The following CHUK variants were observed in gnomAD, a reference collection of about 807,000 sequenced individuals.
CHUK encodes component of inhibitor of nuclear factor kappa B kinase complex.
CHUK carries 35 observed loss-of-function variants against 104.8 expected under a neutral mutation model. The observed-to-expected ratio is 0.33, with a 90% CI of 0.26 to 0.44. The LOEUF is 0.44. Ranked by LOEUF, CHUK falls within the 20% of genes least tolerant of loss-of-function variation. The pLI is 1.00. For missense variants in CHUK, 663 were observed against 902.7 expected, an observed-to-expected ratio of 0.73 and a Z score of 3.40; for synonymous variants, 276 against 291.9, an observed-to-expected ratio of 0.95 and a Z score of 0.56.
In CHUK at chr10:100,188,348, T is replaced by A. The variant is rs535305713; in HGVS notation, c.*1250A>T. ...TTTTATTATAATCTGATTTTTATAA[T>A]GAATAGAGATCAAGAAAGTAATTTA... is the stretch of plus-strand genomic sequence containing the variant. On this transcript the variant is annotated 3_prime_UTR_variant, in exon 21 of 21. Transcript: ENST00000370397. 5.9e-5 allele frequency: 9 copies of A among 152,638 alleles called. No homozygotes were observed. The highest frequency in any genetic ancestry group is 1.3e-4 in the Non-Finnish European group (9 of 68,038). The allele number at this position is 152,638 out of a possible 1,614,324, so 9.5% of individuals were successfully genotyped here. A position where few individuals can be genotyped will look rare whatever the true frequency, so the allele number is the denominator to read the frequency against.
rs1279746466 is a variant in CHUK, at chr10:100,188,968, AAT to A, written c.*628_*629del. 3 of 152,262 alleles carry A rather than the reference AAT, an allele frequency of 2.0e-5. No individual in the cohort carries two copies. Among genetic ancestry groups the A allele is most frequent in the African/African-American group, 7.2e-5 (3 of 41,456 alleles). 9.4% of individuals were successfully genotyped at this position (152,262 alleles called of 1,614,324 possible). A position where few individuals can be genotyped will look rare whatever the true frequency, so the allele number is the denominator to read the frequency against. On this transcript the variant is annotated 3_prime_UTR_variant, in exon 21 of 21. Transcript: ENST00000370397. ...ACAACATGATTTATGAAAGCCAACT[AAT>A]ATTAGAAGCACAGATACACAATCCC...
At chr10:100,213,000 C>CAAA (rs11349438) in intron 9 of CHUK, among the ~76,000 whole-genome samples, 100 of 104,528 alleles carry the variant, frequency 9.6e-4, no homozygotes, top group Admixed American at 6.3e-3. Flanking sequence ...GACTTTGTCT[C>CAAA]AAAAAAAAAA....
intron 2 of CHUK, among the ~76,000 whole-genome samples, chr10:100,224,086 A>ACT (rs3884083): frequency 0.41 from 61,244 of 148,146 alleles, 12,354 homozygotes; most frequent in East Asian, 0.5. Context: ...TCGCTCGTTC[A>ACT]CTCTCTCTCT....
At chr10:100,186,436 T>C (rs572725049), downstream of CHUK, 1 of 172,486 alleles carries the variant, frequency 5.8e-6, no homozygotes, top group Non-Finnish European at 1.2e-5. Context: ...TTGTTGCAAA[T>C]AAAGTGCTGT....
chr10:100,207,107 A>T (rs1589586368), intron 11 of CHUK, 123 bp downstream of exon 11: 3 of 686,292 alleles, frequency 4.4e-6, no homozygotes, highest in Non-Finnish European at 8.0e-6. Context: ...ATAACTCCAT[A>T]TAGAAACTTC....
chr10:100,200,882 A>G (rs1845446104), intron 14 of CHUK, 102 bp from the exon 15 acceptor site: 1 of 732,148 alleles, frequency 1.4e-6, no homozygotes, highest in Admixed American at 1.9e-5. Context: ...CTGCTTCATT[A>G]GAGAACTAAA....
chr10:100,224,731 C>A (rs940020831), intron 2 of CHUK, among the ~76,000 whole-genome samples: 2 of 152,126 alleles, frequency 1.3e-5, no homozygotes, highest in Non-Finnish European at 2.9e-5. Flanking sequence ...GCCACCACGC[C>A]CGGCCCTAGC....
At chr10:100,212,673 A>G (rs1845756870) in intron 9 of CHUK, among the ~76,000 whole-genome samples, 1 of 152,152 alleles carries the variant, frequency 6.6e-6, no homozygotes, top group Admixed American at 6.5e-5. Flanking sequence ...CCACTTACAA[A>G]TCCTAACACA....
chr10:100,227,059 C>CATCTA (rs1392129850), intron 1 of CHUK, among the ~76,000 whole-genome samples: 2 of 152,196 alleles, frequency 1.3e-5, no homozygotes, highest in Non-Finnish European at 2.9e-5. Context: ...CCATGCAGGC[C>CATCTA]TTTACCACCA....
chr10:100,193,696 G>T, intron 18 of CHUK: 1 of 593,344 alleles, frequency 1.7e-6, no homozygotes, highest in Non-Finnish European at 3.0e-6. Context: ...TTGAATAGAT[G>T]GTCAATTTCA....
At chr10:100,223,022 C>T (rs1283016036) in intron 2 of CHUK, 42 bp from the exon 3 acceptor site, 3 of 1,014,156 alleles carry the variant, frequency 3.0e-6, no homozygotes. Context: ...AAATTATTTC[C>T]AATAAAAAGG....
At chr10:100,210,615 CTT>C (rs1267878842) in intron 9 of CHUK, among the ~76,000 whole-genome samples, 2 of 152,194 alleles carry the variant, frequency 1.3e-5, no homozygotes, top group Non-Finnish European at 2.9e-5. Context: ...GATCTTAACT[CTT>C]TTTGTGTCTG....
chr10:100,218,997 C>T lies in CHUK; in HGVS notation c.689+11G>A, dbSNP rs757532315. On this transcript the variant is annotated intron_variant, in intron 7 of 20. Coordinates refer to ENST00000370397, the MANE Select transcript of CHUK (RefSeq NM_001278.5). ...CCATTAAGCATGCCCAAGTTCTCAT[C>T]CATTTCTTACCAGGTAAATGGCTGC... 15 of 1,613,996 alleles carry T rather than the reference C, an allele frequency of 9.3e-6. No homozygotes were observed. The South Asian group carries it at 1.6e-4, about 18-fold the overall frequency.
chr10:100,201,225 A>C (rs1845454765), intron 14 of CHUK, among the ~76,000 whole-genome samples: 1 of 152,144 alleles, frequency 6.6e-6, no homozygotes, highest in Non-Finnish European at 1.5e-5. Context: ...GGGTATCCCC[A>C]CCCACATCCT....
intron 5 of CHUK, among the ~76,000 whole-genome samples, chr10:100,219,600 T>C (rs1260257979): frequency 7.9e-5 from 12 of 152,194 alleles, no homozygotes; most frequent in Admixed American, 5.9e-4. Flanking sequence ...GAATTGTTAT[T>C]AGGATCCAAT....
At chr10:100,220,489 T>C in intron 5 of CHUK, 99 bp downstream of exon 5, 1 of 844,634 alleles carries the variant, frequency 1.2e-6, no homozygotes. Context: ...AAAGTAAGAC[T>C]GTTATGGGCA....
intron 1 of CHUK, among the ~76,000 whole-genome samples, chr10:100,227,403 A>G (rs1846129279): frequency 6.6e-6 from 1 of 152,196 alleles, no homozygotes; most frequent in East Asian, 1.9e-4. Flanking sequence ...TAAAACAAAA[A>G]GTGATTAATT....
Position 100,193,326 on chromosome 10 carries a change from G to A in CHUK, c.2080C>T (p.Leu694=), listed in dbSNP as rs113123384. The A allele has an allele frequency of 3.5e-5, 56 of 1,614,096 alleles. 1 individual carries two copies. In the African/African-American group the frequency reaches 3.6e-4, roughly 10 times the overall value. Residue 694 remains leucine (L), a synonymous_variant, in exon 19 of 21, where the codon CTG becomes TTG. Transcript: ENST00000370397. ...PPTSAEHDHS[L]SCVVTPQDGE... is the part of the protein sequence containing the mutation. ...TCTTGAGGAGTTACCACACATGACAGAGAATGATCATGTTCTGCTGAAGTC... is the reference window on the plus strand; with the variant it reads ...TCTTGAGGAGTTACCACACATGACAAAGAATGATCATGTTCTGCTGAAGTC...
chr10:100,221,997 T>C, intron 4 of CHUK, 115 bp downstream of exon 4: 4 of 642,726 alleles, frequency 6.2e-6, no homozygotes, highest in Non-Finnish European at 1.1e-5. Context: ...CTTATAGATG[T>C]TGAAATTCTA....
Sources: allele counts gnomAD v4.1 joint callset (sites outside exome capture counted in the v4.1 genomes callset), GRCh38; gene constraint gnomAD v4.1.1; transcripts MANE v1.5; gene names NCBI Gene and HGNC (gene_info 2026-07-23, HGNC 2026-07-21).